The following SCAMP3 variants were observed in gnomAD, a reference collection of about 807,000 sequenced individuals.
SCAMP3 encodes secretory carrier-associated membrane protein 3.
A neutral mutation model predicts 44.1 loss-of-function variants in SCAMP3; 30 were observed. That is an observed-to-expected ratio of 0.68 (90% CI 0.51 to 0.92). The LOEUF (loss-of-function observed/expected upper bound fraction) is 0.92. Among genes scored for constraint, SCAMP3 ranks in the 40% least tolerant of loss-of-function variants. The pLI, the probability that SCAMP3 is intolerant of heterozygous loss-of-function variation, is 0.00. For missense variants in SCAMP3, 394 were observed against 440.0 expected (o/e 0.90, Z 0.93); for synonymous variants, 168 against 171.1 (o/e 0.98, Z 0.14).
Position 155,261,365 on chromosome 1 carries a change from C to T in SCAMP3, c.144+292G>A, listed in dbSNP as rs1167683395. ...ACACCTAACCTAAACTCCAACCAGC[C>T]CCAACCTTTATTTTCTTCAAGAAAG... On this transcript the variant is annotated intron_variant, in intron 2 of 8. Coordinates refer to ENST00000302631, the MANE Select transcript of SCAMP3 (RefSeq NM_005698.4). The T allele has an allele frequency of 1.6e-5, 7 of 439,474 alleles. No individual in the cohort carries two copies. In the South Asian group the frequency reaches 2.2e-4, roughly 14 times the overall value. 27.2% of individuals were successfully genotyped at this position (439,474 alleles called of 1,614,324 possible).
intron 4 of SCAMP3, among the ~76,000 whole-genome samples, chr1:155,259,757 G>A (rs559847297): frequency 6.6e-6 from 1 of 152,232 alleles, no homozygotes; most frequent in African/African-American, 2.4e-5. Flanking sequence ...AAACATCTAA[G>A]CACTGTACCA....
At chr1:155,260,217 C>A in intron 4 of SCAMP3, 113 bp downstream of exon 4, 6 of 1,346,270 alleles carry the variant, frequency 4.5e-6, no homozygotes, top group Non-Finnish European at 6.2e-6. Context: ...CTCAGCCTCC[C>A]AAAGTGCTGG....
chr1:155,261,995 T>C (rs1222186764), intron 1 of SCAMP3, 91 bp downstream of exon 1: 5 of 1,312,432 alleles, frequency 3.8e-6, no homozygotes, highest in Non-Finnish European at 5.4e-6. Context: ...CAGGATCAAA[T>C]GTCACAAATG....
chr1:155,257,147 G>A (rs1003413249), intron 7 of SCAMP3, 138 bp downstream of exon 7: 2 of 649,880 alleles, frequency 3.1e-6, no homozygotes, highest in South Asian at 1.9e-5. Flanking sequence ...TATCCTGGAA[G>A]TATGTCTTGT....
chr1:155,260,774 ATT>A lies in SCAMP3; in HGVS notation c.145-117_145-116del, dbSNP rs201208898. ...GATGTAAGGAAGCAGCCTTTCCCCC[ATT>A]TGTTAGGAAGCTAGTTCTTCTGTTG... On this transcript the variant is annotated intron_variant, in intron 2 of 8. Transcript: ENST00000302631. 6.2e-3 allele frequency: 5,618 copies of A among 905,044 alleles called. 118 individuals carry two copies. Among genetic ancestry groups the A allele is most frequent in the African/African-American group, 0.058 (3,493 of 59,816 alleles). 56.1% of individuals were successfully genotyped at this position (905,044 alleles called of 1,614,324 possible). A position where few individuals can be genotyped will look rare whatever the true frequency, so the allele number is the denominator to read the frequency against.
chr1:155,261,682 A>G lies in SCAMP3; in HGVS notation c.119T>C (p.Val40Ala). The change falls in exon 2 of 9, where the codon GTC (valine) becomes GCC (alanine). Residue 40 changes from valine to alanine, a missense_variant. Transcript: ENST00000302631. ...CTCCCGGGTCTCAAAAGGGTTGTAG[A>G]CGTCAAGCGTGGCATACTGCCGGCT... ...RPSRQYATLDVYNPFETREPP... is the reference protein window; with the variant it reads ...RPSRQYATLDAYNPFETREPP... The G allele has an allele frequency of 6.2e-7, 1 of 1,614,058 alleles. No homozygotes were observed. Among genetic ancestry groups the G allele is most frequent in the Non-Finnish European group, 8.5e-7 (1 of 1,179,996 alleles).
chr1:155,257,626 G>A lies in SCAMP3; in HGVS notation c.549C>T (p.Leu183=), dbSNP rs372565754. The change falls in exon 6 of 9, where the codon CTC becomes CTT. Residue 183 remains leucine, a synonymous_variant. Coordinates refer to ENST00000302631, the MANE Select transcript of SCAMP3 (RefSeq NM_005698.4). ...CCACACAGAAGCTGGCCAGGCAGGC[G>A]AGGAAGTTCAGGAGAAGAGCCAGCG... The part of the protein sequence containing the change: ...CSTLALLLNF[L]ACLASFCVET... The A allele has an allele frequency of 1.3e-5, 20 of 1,571,008 alleles. No homozygotes were observed. The highest frequency in any genetic ancestry group is 5.4e-5 in the African/African-American group (4 of 73,902).
In SCAMP3 at chr1:155,256,372, C is replaced by A. The variant is rs769477147; in HGVS notation, c.945G>T (p.Gln315His). The A allele has an allele frequency of 6.2e-7, 1 of 1,606,924 alleles. No homozygotes were observed. The highest frequency in any genetic ancestry group is 2.2e-5 in the East Asian group (1 of 44,680). The change falls in exon 9 of 9, where the codon CAG (glutamine) becomes CAT (histidine). Residue 315 changes from glutamine (Q) to histidine (H), a missense_variant. Transcript: ENST00000302631. ...AGAAGACACCAGCAGCAAATTCTTG[C>A]TGGGCCTTCTGAAAGCTGGCACCTG... ...RRTGASFQKA[Q>H]QEFAAGVFSN...
chr1:155,262,038 G>A (rs1479649010), intron 1 of SCAMP3, 48 bp downstream of exon 1: 2 of 1,573,892 alleles, frequency 1.3e-6, no homozygotes, highest in Non-Finnish European at 1.7e-6. Context: ...TACAGAACCG[G>A]GAAGAATCAA....
At position 155,256,800 on chromosome 1, in the gene SCAMP3, G is replaced by C; in HGVS notation, c.780-9C>G. On this transcript the variant is annotated splice_polypyrimidine_tract_variant and intron_variant, in intron 7 of 8. Coordinates refer to ENST00000302631, the MANE Select transcript of SCAMP3 (RefSeq NM_005698.4). Reference sequence around the variant, plus strand: ...GAGCAGAGATCCAGCCACTGTAAAGGGAAGGATGTACCAGTGAAGAGGGGC... The same window carrying C: ...GAGCAGAGATCCAGCCACTGTAAAGCGAAGGATGTACCAGTGAAGAGGGGC... 6.2e-7 allele frequency: 1 copy of C among 1,610,200 alleles called. No individual in the cohort carries two copies. Among genetic ancestry groups the C allele is most frequent in the Non-Finnish European group, 8.5e-7 (1 of 1,176,494 alleles).
At chr1:155,257,699 C>T (rs1379545921) in intron 5 of SCAMP3, 42 bp from the exon 6 acceptor site, 1 of 1,532,620 alleles carries the variant, frequency 6.5e-7, no homozygotes. Flanking sequence ...TTCTGGACTG[C>T]AATGAAGGCT....
chr1:155,261,381 T>G (rs1187480858), intron 2 of SCAMP3: 2 of 477,888 alleles, frequency 4.2e-6, no homozygotes, highest in Non-Finnish European at 7.6e-6. Flanking sequence ...CTTTATTTTC[T>G]TCAAGAAAGC....
chr1:155,256,406 T>C lies in SCAMP3; in HGVS notation c.911A>G (p.Tyr304Cys). ...CTGAAAGCTGGCACCTGTGCGGCGG[T>C]ATAAGGAGTGGATCTGCAAGTAGAG... ...IVMLKRIHSL[Y>C]RRTGASFQKA... is the part of the protein sequence containing the mutation. The change falls in exon 9 of 9, where the codon TAC (tyrosine) becomes TGC (cysteine). Residue 304 changes from tyrosine (Y) to cysteine (C), a missense_variant. Physicochemically the swap from Tyr to Cys is radical, Grantham distance 194. Coordinates refer to ENST00000302631, the MANE Select transcript of SCAMP3 (RefSeq NM_005698.4). The C allele has an allele frequency of 6.3e-7, 1 of 1,590,056 alleles. No individual in the cohort carries two copies. Among genetic ancestry groups the C allele is most frequent in the Non-Finnish European group, 8.6e-7 (1 of 1,165,870 alleles).
At chr1:155,261,755 C>T (rs757538375) in intron 1 of SCAMP3, 21 bp from the exon 2 acceptor site, 1 of 1,612,416 alleles carries the variant, frequency 6.2e-7, no homozygotes, top group Non-Finnish European at 8.5e-7. Flanking sequence ...AGACCCGGGT[C>T]TCAGCTGGCA....
intron 2 of SCAMP3, 34 bp downstream of exon 2, chr1:155,261,623 C>T (rs1370727659): frequency 6.3e-7 from 1 of 1,596,170 alleles, no homozygotes. Flanking sequence ...AAACCCTTCC[C>T]TTCCTTGAAC....
chr1:155,258,705 C>T lies in SCAMP3; in HGVS notation c.517+121G>A, dbSNP rs1211181304. The T allele has an allele frequency of 5.6e-6, 5 of 897,166 alleles. No individual in the cohort carries two copies. In the African/African-American group the frequency reaches 6.9e-5, roughly 12 times the overall value. 55.6% of individuals were successfully genotyped at this position (897,166 alleles called of 1,614,324 possible). ...ATAAAAAGTGGGGAGAGGGCAAGAA[C>T]ATTTGCTAGCAGGCTGGTGAGTTCT... On this transcript the variant is annotated intron_variant, in intron 5 of 8. Transcript: ENST00000302631.
Position 155,256,178 on chromosome 1 carries a change from T to A in SCAMP3, c.*95A>T. The A allele has an allele frequency of 7.9e-7, 1 of 1,272,650 alleles. No individual in the cohort carries two copies. The allele number at this position is 1,272,650 out of a possible 1,614,324, so 78.8% of individuals were successfully genotyped here. A position where few individuals can be genotyped will look rare whatever the true frequency, so the allele number is the denominator to read the frequency against. ...GATTGGGAGCACTACGGAGGAGCCA[T>A]CAGTTAGTGATGTCTCTCCAAGTCC... On this transcript the variant is annotated 3_prime_UTR_variant, in exon 9 of 9. Transcript: ENST00000302631.
intron 4 of SCAMP3, 90 bp from the exon 5 acceptor site, chr1:155,259,044 C>CTA: frequency 3.0e-5 from 23 of 759,574 alleles, no homozygotes; most frequent in Non-Finnish European, 4.3e-5. Flanking sequence ...CCTGGATCCT[C>CTA]TCTTTTTTTT....
chr1:155,257,441 G>A (rs1364165309), intron 6 of SCAMP3, 55 bp from the exon 7 acceptor site: 5 of 1,607,524 alleles, frequency 3.1e-6, no homozygotes, highest in African/African-American at 1.3e-5. Context: ...CTGAAGGATG[G>A]GCAGACGTGG....
Sources: allele counts gnomAD v4.1 joint callset (sites outside exome capture counted in the v4.1 genomes callset), GRCh38; gene constraint gnomAD v4.1.1; transcripts MANE v1.5; gene names NCBI Gene and HGNC (gene_info 2026-07-23, HGNC 2026-07-21).